CAPNS1: variants seen among roughly 807,000 people sequenced by gnomAD.
CAPNS1 encodes calpain small subunit 1.
A neutral mutation model predicts 39.2 loss-of-function variants in CAPNS1; 32 were observed. The ratio of observed to expected loss-of-function variants is 0.82; its 90% CI spans 0.62 to 1.10. CAPNS1 has a LOEUF of 1.10. Ranked by LOEUF, CAPNS1 falls within the 50% of genes least tolerant of loss-of-function variation. The pLI is 0.00. For synonymous variants in CAPNS1, 153 were observed against 136.2 expected, an observed-to-expected ratio of 1.12 and a Z score of -0.86; for missense variants, 353 against 373.1, an observed-to-expected ratio of 0.95 and a Z score of 0.44.
chr19:36,140,557 C>G (rs75478619), intron 1 of CAPNS1: 1 of 158,590 alleles, frequency 6.3e-6, no homozygotes, highest in Non-Finnish European at 1.4e-5. Context: ...TTCTCAAGCC[C>G]ACATTTGGGA....
chr19:36,143,072 C>G lies in CAPNS1; in HGVS notation c.400C>G (p.Leu134Val). 1 of 1,614,212 alleles carries G rather than the reference C, an allele frequency of 6.2e-7. No individual in the cohort carries two copies. Among genetic ancestry groups the G allele is most frequent in the Non-Finnish European group, 8.5e-7 (1 of 1,180,034 alleles). ...CAACCTGTTACCCACAGACCCTGATCTGAAGACTGATGGTTTTGGCATTGA... is the reference window on the plus strand; with the variant it reads ...CAACCTGTTACCCACAGACCCTGATGTGAAGACTGATGGTTTTGGCATTGA... ...LNKVVTRHPD[L>V]KTDGFGIDTC... Residue 134 changes from leucine to valine, a missense_variant, in exon 6 of 11, where the codon CTG becomes GTG. By Grantham distance (32) the Leu-to-Val change is conservative. Transcript: ENST00000246533.
At chr19:36,147,657 T>C (rs1267238732) in intron 9 of CAPNS1, among the ~76,000 whole-genome samples, 9 of 151,902 alleles carry the variant, frequency 5.9e-5, no homozygotes, top group Admixed American at 6.6e-5. Flanking sequence ...TCCCAGCTAC[T>C]TGGGAGGCTG....
chr19:36,147,169 G>T (rs1175703069), intron 9 of CAPNS1, among the ~76,000 whole-genome samples: 4 of 152,238 alleles, frequency 2.6e-5, no homozygotes, highest in Admixed American at 2.0e-4. Context: ...TGTACTGAAT[G>T]CTGAAGACAT....
chr19:36,149,068 G>T (rs914131512), intron 9 of CAPNS1, among the ~76,000 whole-genome samples: 3 of 152,142 alleles, frequency 2.0e-5, no homozygotes, highest in Admixed American at 6.5e-5. Context: ...ATAGATGTCA[G>T]TAGGAGGCTG....
intron 2 of CAPNS1, 148 bp downstream of exon 2, chr19:36,141,368 T>A: frequency 7.4e-7 from 1 of 1,352,284 alleles, no homozygotes; most frequent in East Asian, 3.1e-5. Flanking sequence ...AGGCCTGGTT[T>A]GAGAGTTCTG....
intron 9 of CAPNS1, among the ~76,000 whole-genome samples, chr19:36,149,263 C>G (rs940077941): frequency 1.3e-5 from 2 of 152,160 alleles, no homozygotes; most frequent in African/African-American, 4.8e-5. Flanking sequence ...GATGAGGTCT[C>G]TGTTGCCCAG....
intron 9 of CAPNS1, among the ~76,000 whole-genome samples, 187 bp downstream of exon 9, chr19:36,146,499 G>T (rs1362732977): frequency 6.6e-6 from 1 of 152,218 alleles, no homozygotes; most frequent in African/African-American, 2.4e-5. Flanking sequence ...GACAGTGACA[G>T]TTCAGACTGG....
intron 3 of CAPNS1, 26 bp downstream of exon 3, chr19:36,142,359 C>A: frequency 7.4e-7 from 1 of 1,356,794 alleles, no homozygotes; most frequent in Non-Finnish European, 1.0e-6. Context: ...AACCAGACCC[C>A]CTTCTCCTGC....
chr19:36,145,968 C>T lies in CAPNS1; in HGVS notation c.526-8C>T, dbSNP rs752459627. On this transcript the variant is annotated splice_region_variant and splice_polypyrimidine_tract_variant and intron_variant, in intron 7 of 10. Transcript: ENST00000246533. ...GCTCACTTGGACCCAATGTCTCTGTCCTCACAGGCCATATACAAACAGTTC... is the reference window on the plus strand; with the variant it reads ...GCTCACTTGGACCCAATGTCTCTGTTCTCACAGGCCATATACAAACAGTTC... The T allele has an allele frequency of 1.7e-5, 28 of 1,613,990 alleles. 1 individual carries two copies. The South Asian group carries it at 3.1e-4, about 18-fold the overall frequency.
chr19:36,140,857 G>C, intron 1 of CAPNS1, 140 bp from the exon 2 acceptor site: 2 of 1,351,328 alleles, frequency 1.5e-6, no homozygotes, highest in South Asian at 1.3e-5. Context: ...ACCCATCCGC[G>C]GACAACCCGC....
intron 2 of CAPNS1, among the ~76,000 whole-genome samples, chr19:36,141,968 T>G (rs940464592): frequency 6.6e-6 from 1 of 151,558 alleles, no homozygotes; most frequent in East Asian, 1.9e-4. Flanking sequence ...AGGGGCGGGG[T>G]CTTTTGATTC....
rs1974565413 is a variant in CAPNS1 at position 36,146,285 on chromosome 19, T to C, written c.694T>C (p.Cys232Arg). The C allele has an allele frequency of 1.2e-6, 2 of 1,613,386 alleles. No homozygotes were observed. The highest frequency in any genetic ancestry group is 8.5e-7 in the Non-Finnish European group (1 of 1,179,402). The change falls in exon 9 of 11, where the codon TGC becomes CGC. Residue 232 changes from cysteine (C) to arginine (R), a missense_variant. By Grantham distance (180) the Cys-to-Arg change is radical. Coordinates refer to ENST00000246533, the MANE Select transcript of CAPNS1 (RefSeq NM_001749.4). Reference sequence around the variant, plus strand: ...CATGGATTTTGACAACTTCATCAGCTGCTTGGTCAGGCTGGACGCCATGTT... The same window carrying C: ...CATGGATTTTGACAACTTCATCAGCCGCTTGGTCAGGCTGGACGCCATGTT... ...GNMDFDNFIS[C>R]LVRLDAMFRA...
At chr19:36,140,871 C>T in intron 1 of CAPNS1, 126 bp from the exon 2 acceptor site, 7 of 1,468,086 alleles carry the variant, frequency 4.8e-6, no homozygotes, top group Non-Finnish European at 6.4e-6. Context: ...AACCCGCCCT[C>T]GCAAACTCAG....
At chr19:36,141,975 A>C (rs1974390048) in intron 2 of CAPNS1, among the ~76,000 whole-genome samples, 1 of 152,054 alleles carries the variant, frequency 6.6e-6, no homozygotes, top group African/African-American at 2.4e-5. Context: ...GGGTCTTTTG[A>C]TTCTACGTGG....
At position 36,140,077 on chromosome 19, in the gene CAPNS1, C is replaced by T. The variant is rs1285039273; in HGVS notation, c.-96C>T. On this transcript the variant is annotated 5_prime_UTR_variant, in exon 1 of 11. Transcript: ENST00000246533. ...GAGAGTTGCGGCCTGAGTCACCGGCCCCGCCCTCCGGAGCCGGACGCTGCG... is the reference window on the plus strand; with the variant it reads ...GAGAGTTGCGGCCTGAGTCACCGGCTCCGCCCTCCGGAGCCGGACGCTGCG... 1 of 152,236 alleles carries T rather than the reference C, an allele frequency of 6.6e-6. No homozygotes were observed. The highest frequency in any genetic ancestry group is 1.9e-4 in the East Asian group (1 of 5,184). The allele number at this position is 152,236 out of a possible 1,614,324, so 9.4% of individuals were successfully genotyped here.
chr19:36,145,610 A>G, intron 6 of CAPNS1, 196 bp from the exon 7 acceptor site: 2 of 564,118 alleles, frequency 3.5e-6, no homozygotes, highest in Non-Finnish European at 3.2e-6. Context: ...GAGAATCCCT[A>G]TTTAGAAATG....
Position 36,141,119 on chromosome 19 carries a change from C to T in CAPNS1, c.108C>T (p.Ala36=), listed in dbSNP as rs1974343882. The T allele has an allele frequency of 1.5e-6, 2 of 1,365,096 alleles. No individual in the cohort carries two copies. The highest frequency in any genetic ancestry group is 1.9e-6 in the Non-Finnish European group (2 of 1,056,736). 84.6% of individuals were successfully genotyped at this position (1,365,096 alleles called of 1,614,324 possible). The change falls in exon 2 of 11, where the codon GCC becomes GCT. Residue 36 remains alanine, a synonymous_variant. Transcript: ENST00000246533. ...TGCTTGGAGGCCTGATCAGCGGGGC[C>T]GGGGGCGGCGGCGGCGGCGGCGGCG... ...GNVLGGLISG[A]GGGGGGGGGG...
rs1257116909 is a variant in CAPNS1 at position 36,141,172 on chromosome 19, G to A, written c.161G>A (p.Gly54Asp). Residue 54 changes from glycine to aspartate, a missense_variant, in exon 2 of 11, where the codon GGC becomes GAC. By Grantham distance (94) the Gly-to-Asp change is moderately conservative. Coordinates refer to ENST00000246533, the MANE Select transcript of CAPNS1 (RefSeq NM_001749.4). ...GGGGGGGGGG[G>D]GGTAMRILGG... ...GGCGGCGGTGGTGGAGGCGGCGGTG[G>A]CGGTGGAACGGCCATGCGCATCCTA... is the stretch of plus-strand genomic sequence containing the variant. 13 of 1,416,236 alleles carry A rather than the reference G, an allele frequency of 9.2e-6. No individual in the cohort carries two copies. Among genetic ancestry groups the A allele is most frequent in the Admixed American group, 3.6e-5 (1 of 27,428 alleles). 87.7% of individuals were successfully genotyped at this position (1,416,236 alleles called of 1,614,324 possible).
At chr19:36,149,445 C>A in intron 9 of CAPNS1, 133 bp from the exon 10 acceptor site, 1 of 787,512 alleles carries the variant, frequency 1.3e-6, no homozygotes, top group Non-Finnish European at 1.8e-6. Context: ...TTACCCCATG[C>A]TTGGCACACA....
Sources: allele counts gnomAD v4.1 joint callset (sites outside exome capture counted in the v4.1 genomes callset), GRCh38; gene constraint gnomAD v4.1.1; transcripts MANE v1.5; gene names NCBI Gene and HGNC (gene_info 2026-07-23, HGNC 2026-07-21).